CA4: variants seen among roughly 807,000 people sequenced by gnomAD.
The protein encoded by CA4 is carbonic anhydrase 4.
In CA4, 24 loss-of-function variants were observed where a neutral mutation model predicts 34.5. The ratio of observed to expected loss-of-function variants is 0.70; its 90% CI spans 0.50 to 0.98. The LOEUF is 0.98. Among genes scored for constraint, CA4 ranks in the 50% least tolerant of loss-of-function variants. The pLI is 0.00. For synonymous variants in CA4, 178 were observed against 170.6 expected (o/e 1.04, Z -0.34); for missense variants, 394 against 396.7 (o/e 0.99, Z 0.06).
chr17:60,166,156 T>C (rs1306229995), intron 5 of CA4, among the ~76,000 whole-genome samples: 1 of 152,222 alleles, frequency 6.6e-6, no homozygotes, highest in Non-Finnish European at 1.5e-5. Context: ...GGTGTTGGGC[T>C]TCCTGTGGGC....
intron 1 of CA4, 135 bp from the exon 2 acceptor site, chr17:60,155,179 C>T: frequency 1.3e-6 from 1 of 772,738 alleles, no homozygotes; most frequent in Non-Finnish European, 2.2e-6. Flanking sequence ...GGCCCTCAAT[C>T]CTGCTGCCAG....
At chr17:60,153,580 G>T (rs1597987430) in intron 1 of CA4, among the ~76,000 whole-genome samples, 1 of 152,268 alleles carries the variant, frequency 6.6e-6, no homozygotes, top group Admixed American at 6.5e-5. Context: ...TCTCTCTTGT[G>T]CAAGATCCAA....
chr17:60,167,834 C>T (rs2083870338), intron 5 of CA4, among the ~76,000 whole-genome samples: 1 of 152,172 alleles, frequency 6.6e-6, no homozygotes, highest in African/African-American at 2.4e-5. Context: ...ATTCTGCTGC[C>T]TGGTCTGTCC....
intron 5 of CA4, among the ~76,000 whole-genome samples, chr17:60,165,408 G>A (rs1226256523): frequency 6.6e-6 from 1 of 152,170 alleles, no homozygotes; most frequent in Non-Finnish European, 1.5e-5. Context: ...GGCCCTCTGA[G>A]CCCCAGGACT....
chr17:60,176,899 G>T, the CA4 span, among the ~76,000 whole-genome samples: 3 of 152,202 alleles, frequency 2.0e-5, no homozygotes, highest in Admixed American at 2.0e-4. Flanking sequence ...GTTCACAATA[G>T]GGTTCGTTCT....
chr17:60,155,176 A>C, intron 1 of CA4, 138 bp from the exon 2 acceptor site: 2 of 760,078 alleles, frequency 2.6e-6, no homozygotes, highest in South Asian at 2.9e-5. Flanking sequence ...CTGGGCCCTC[A>C]ATCCTGCTGC....
chr17:60,175,819 A>AT (rs759618128), downstream of CA4, among the ~76,000 whole-genome samples: 5,404 of 138,334 alleles, frequency 0.039, 371 homozygotes, highest in African/African-American at 0.13. Context: ...CATTTTATAC[A>AT]TTTTTTTTTT....
chr17:60,155,486 C>A, intron 2 of CA4, 119 bp downstream of exon 2: 3 of 685,472 alleles, frequency 4.4e-6, no homozygotes, highest in Non-Finnish European at 8.0e-6. Flanking sequence ...AGGCAGATAT[C>A]AGTTCCCAGC....
intron 5 of CA4, among the ~76,000 whole-genome samples, chr17:60,166,723 AGG>A (rs55784388): frequency 5.3e-5 from 8 of 152,206 alleles, no homozygotes; most frequent in Admixed American, 2.0e-4. Flanking sequence ...TGGGAGGCCA[AGG>A]GGGGGGCGGA....
At chr17:60,177,599 G>C in the CA4 span, among the ~76,000 whole-genome samples, 2 of 152,154 alleles carry the variant, frequency 1.3e-5, no homozygotes, top group African/African-American at 4.8e-5. Flanking sequence ...TTTTTAATGG[G>C]AATGGACAGA....
rs541891257 is a variant in CA4, at chr17:60,168,774, T to A, written c.*179-1777T>A. On this transcript the variant is annotated intron_variant and NMD_transcript_variant, in intron 5 of 5. Transcript: ENST00000586876. ...CTCTCAGAGGACACCACGTGGCAGC[T>A]GAAAGGACTAGTTGAAGAGCACACT... Among the ~76,000 whole-genome samples, 11 of 152,226 alleles carry A rather than the reference T, an allele frequency of 7.2e-5. No homozygotes were observed. In the East Asian group the frequency reaches 2.1e-3, roughly 29 times the overall value.
intron 5 of CA4, among the ~76,000 whole-genome samples, chr17:60,169,262 A>AAAAAAAAAAAAAAAAGCAGC (rs1555574044): frequency 2.0e-5 from 3 of 149,656 alleles, no homozygotes; most frequent in African/African-American, 7.6e-5. Flanking sequence ...AAAAAAAAAA[A>AAAAAAAAAAAAAAAAGCAGC]AGCAGCAGCA....
At chr17:60,171,700 C>G (rs1265770931), downstream of CA4, among the ~76,000 whole-genome samples, 2 of 152,206 alleles carry the variant, frequency 1.3e-5, no homozygotes, top group Non-Finnish European at 2.9e-5. Flanking sequence ...ACTACACCCC[C>G]CACTGTCACT....
chr17:60,160,765 A>AAG (rs35533169), downstream of CA4, among the ~76,000 whole-genome samples: 1 of 134,882 alleles, frequency 7.4e-6, no homozygotes, highest in Non-Finnish European at 1.6e-5. Context: ...AAAAAAAAAA[A>AAG]GAGAGAATTC....
chr17:60,164,229 T>G (rs556976865), downstream of CA4, among the ~76,000 whole-genome samples: 119 of 146,294 alleles, frequency 8.1e-4, no homozygotes, highest in Admixed American at 5.1e-3. Flanking sequence ...TTTCTCTTTC[T>G]CTTTCTCTTT....
At chr17:60,157,959 C>A (rs1230346394) in intron 5 of CA4, 102 bp from the exon 6 acceptor site, 14 of 1,562,668 alleles carry the variant, frequency 9.0e-6, no homozygotes, top group Non-Finnish European at 1.1e-5. Context: ...GAGCCTCAAT[C>A]CCAGAAGCTG....
intron 1 of CA4, 50 bp downstream of exon 1, chr17:60,150,142 G>A: frequency 6.9e-7 from 1 of 1,459,200 alleles, no homozygotes; most frequent in Non-Finnish European, 9.4e-7. Flanking sequence ...TCCCCTCCGT[G>A]CCCCCAGCTC....
downstream of CA4, among the ~76,000 whole-genome samples, chr17:60,171,524 C>A (rs1406825581): frequency 6.6e-6 from 1 of 152,208 alleles, no homozygotes; most frequent in African/African-American, 2.4e-5. Flanking sequence ...TTCTAGCAGA[C>A]CAAATGAGAG....
chr17:60,164,134 T>C (rs1356591724), downstream of CA4, among the ~76,000 whole-genome samples: 5 of 149,782 alleles, frequency 3.3e-5, no homozygotes, highest in African/African-American at 1.2e-4. Flanking sequence ...AAAACAAACG[T>C]AATCTTCCTT....
Sources: allele counts gnomAD v4.1 joint callset (sites outside exome capture counted in the v4.1 genomes callset), GRCh38; gene constraint gnomAD v4.1.1; transcripts MANE v1.5; gene names NCBI Gene and HGNC (gene_info 2026-07-23, HGNC 2026-07-21).